OSBPL11: variants seen among roughly 807,000 people sequenced by gnomAD.
OSBPL11 encodes the protein oxysterol-binding protein-related protein 11.
OSBPL11 carries 33 observed loss-of-function variants against 84.4 expected under a neutral mutation model. The observed-to-expected ratio is 0.39, with a 90% CI of 0.30 to 0.52. The LOEUF is 0.52. OSBPL11 is among the 20% of genes least tolerant of loss of function. The probability of loss-of-function intolerance (pLI) is 0.72; values close to 1 mark genes in which losing one functional copy is unlikely to be tolerated. For missense variants in OSBPL11, 736 were observed against 901.1 expected (o/e 0.82, Z 2.35); for synonymous variants, 276 against 310.2 (o/e 0.89, Z 1.16).
chr3:125,589,973 G>C lies in OSBPL11; in HGVS notation c.164+4664C>G, dbSNP rs530863101. Among the ~76,000 whole-genome samples the C allele has an allele frequency of 3.9e-5, 6 of 152,278 alleles. No homozygotes were observed. The East Asian group carries it at 1.2e-3, about 29-fold the overall frequency. On this transcript the variant is annotated intron_variant, in intron 1 of 12. Transcript: ENST00000296220. ...ATCAAACACCCTGGTTTGTCTTTCA[G>C]TTCCTCTTTTGAATAGTTCTCTTCT... is the stretch of plus-strand genomic sequence containing the variant.
chr3:125,537,259 A>G (rs1935654505), intron 11 of OSBPL11, among the ~76,000 whole-genome samples: 1 of 152,120 alleles, frequency 6.6e-6, no homozygotes, highest in East Asian at 1.9e-4. Context: ...AGAAAGGGGC[A>G]TGCGAGTACA....
At chr3:125,539,177 T>G (rs1473046977) in intron 10 of OSBPL11, among the ~76,000 whole-genome samples, 1 of 150,670 alleles carries the variant, frequency 6.6e-6, no homozygotes, top group Non-Finnish European at 1.5e-5. Context: ...ATGTTTAAAA[T>G]TCTCTTGCCA....
rs1358854110 is a variant in OSBPL11 at position 125,552,518 on chromosome 3, G to C, written c.1317C>G (p.Gly439=). Residue 439 remains glycine (G), a synonymous_variant, in exon 9 of 13, where the codon GGC becomes GGG. Transcript: ENST00000296220. ...GTTTTTTAGCAATGGCTCCCTTACG[G>C]CCTTCATGAAATGAGGTAAGGTAGT... is the stretch of plus-strand genomic sequence containing the variant. ...VEYYLTSFHE[G]RKGAIAKKPY... The C allele has an allele frequency of 6.2e-7, 1 of 1,614,014 alleles. No individual in the cohort carries two copies. Among genetic ancestry groups the C allele is most frequent in the African/African-American group, 1.3e-5 (1 of 74,906 alleles).
chr3:125,561,650 G>A (rs909016866), intron 7 of OSBPL11, among the ~76,000 whole-genome samples: 2 of 152,086 alleles, frequency 1.3e-5, no homozygotes, highest in East Asian at 1.9e-4. Flanking sequence ...TGATCATGAC[G>A]CTATTGTCAT....
chr3:125,558,516 C>G (rs1936026677), intron 8 of OSBPL11, among the ~76,000 whole-genome samples: 4 of 152,130 alleles, frequency 2.6e-5, no homozygotes, highest in Admixed American at 2.0e-4. Context: ...TTCAGATGAA[C>G]AGTTCGTTGG....
chr3:125,551,603 T>C (rs1580046435), intron 9 of OSBPL11, among the ~76,000 whole-genome samples: 1 of 152,108 alleles, frequency 6.6e-6, no homozygotes, highest in South Asian at 2.1e-4. Flanking sequence ...ACCCCCCATC[T>C]CTACTAACAA....
intron 1 of OSBPL11, among the ~76,000 whole-genome samples, chr3:125,593,493 G>T (rs547220762): frequency 1.3e-5 from 2 of 151,716 alleles, no homozygotes; most frequent in African/African-American, 2.4e-5. Flanking sequence ...GGTGGCGCAC[G>T]CCTGTAATCC....
At chr3:125,592,917 A>G (rs552631830) in intron 1 of OSBPL11, among the ~76,000 whole-genome samples, 26 of 152,364 alleles carry the variant, frequency 1.7e-4, no homozygotes, top group Middle Eastern at 3.4e-3. Context: ...AGACAAACAC[A>G]TAAGTGTAAA....
Position 125,545,766 on chromosome 3 carries a change from G to C in OSBPL11, c.1841+1640C>G, listed in dbSNP as rs567377742. Among the ~76,000 whole-genome samples the C allele has an allele frequency of 2.0e-5, 3 of 152,142 alleles. No homozygotes were observed. The South Asian group carries it at 6.2e-4, about 32-fold the overall frequency. The stretch of plus-strand genomic sequence containing the variant: ...ATGAGAATGGGGAATAGTTAAGCAG[G>C]CTCACTTGGCTGCATGAGAGATAGA... On this transcript the variant is annotated intron_variant, in intron 10 of 12. Coordinates refer to ENST00000296220, the MANE Select transcript of OSBPL11 (RefSeq NM_022776.5).
chr3:125,537,436 C>T (rs953340006), intron 11 of OSBPL11, among the ~76,000 whole-genome samples: 1 of 152,148 alleles, frequency 6.6e-6, no homozygotes, highest in Non-Finnish European at 1.5e-5. Flanking sequence ...AAATTGTGAA[C>T]TTGCAGATGC....
intron 1 of OSBPL11, among the ~76,000 whole-genome samples, chr3:125,583,579 T>TC (rs1198614157): frequency 1.6e-5 from 1 of 61,368 alleles, no homozygotes; most frequent in Non-Finnish European, 2.7e-5. Flanking sequence ...AGACTCCGTC[T>TC]CCAAAAAAAA....
rs765369899 is a variant in OSBPL11 at position 125,532,054 on chromosome 3, A to C, written c.2025-40T>G. 8.9e-6 allele frequency: 14 copies of C among 1,567,760 alleles called. No individual in the cohort carries two copies. In the East Asian group the frequency reaches 3.1e-4, roughly 35 times the overall value. On this transcript the variant is annotated intron_variant, in intron 11 of 12. Coordinates refer to ENST00000296220, the MANE Select transcript of OSBPL11 (RefSeq NM_022776.5). ...CCACACATTTTACAAGCATTCTTTA[A>C]AAGAGATAATTAAATAGAATCAATA...
chr3:125,589,232 C>A (rs1936561291), intron 1 of OSBPL11, among the ~76,000 whole-genome samples: 1 of 151,148 alleles, frequency 6.6e-6, no homozygotes, highest in Non-Finnish European at 1.5e-5. Context: ...TACCCAGCTA[C>A]TCGGGAGACT....
Position 125,547,546 on chromosome 3 carries a change from T to C in OSBPL11, c.1701A>G (p.Leu567=), listed in dbSNP as rs1559837563. 1.2e-6 allele frequency: 2 copies of C among 1,613,588 alleles called. No individual in the cohort carries two copies. The highest frequency in any genetic ancestry group is 8.5e-7 in the Non-Finnish European group (1 of 1,179,634). ...AAATTGACCGAGCATATGCACAGGG[T>C]AGAGAAAATGTGTACTCTTCTCCAT... ...LEHGEEYTFS[L]PCAYARSILT... is the part of the protein sequence containing the mutation. The change falls in exon 10 of 13, where the codon CTA becomes CTG. Residue 567 remains leucine (L), a synonymous_variant. Coordinates refer to ENST00000296220, the MANE Select transcript of OSBPL11 (RefSeq NM_022776.5).
At chr3:125,549,114 C>T (rs1398549192) in intron 9 of OSBPL11, among the ~76,000 whole-genome samples, 1 of 152,000 alleles carries the variant, frequency 6.6e-6, no homozygotes, top group East Asian at 1.9e-4. Context: ...TTCTGCCTCC[C>T]GGGTTCAAGC....
At position 125,552,663 on chromosome 3, in the gene OSBPL11, A is replaced by C; in HGVS notation, c.1172T>G (p.Phe391Cys). The change falls in exon 9 of 13, where the codon TTT becomes TGT. Residue 391 changes from phenylalanine to cysteine, a missense_variant. Physicochemically the swap from Phe to Cys is radical, Grantham distance 205. Around this residue, in one of 3 missense-constraint regions of OSBPL11, gnomAD observed 579 missense variants for 717.6 expected, o/e 0.81. Coordinates refer to ENST00000296220, the MANE Select transcript of OSBPL11 (RefSeq NM_022776.5). ...CAGCAAGGAACGCTTCTCTAGGATA[A>C]ATGTAGGAAGCACCACCTAAAACAA... The part of the protein sequence containing the change: ...MDLTRVVLPT[F>C]ILEKRSLLEM... 6.2e-7 allele frequency: 1 copy of C among 1,612,340 alleles called. No individual in the cohort carries two copies. Among genetic ancestry groups the C allele is most frequent in the African/African-American group, 1.3e-5 (1 of 74,946 alleles).
At chr3:125,556,410 C>T (rs1194765204) in intron 8 of OSBPL11, among the ~76,000 whole-genome samples, 2 of 152,154 alleles carry the variant, frequency 1.3e-5, no homozygotes, top group African/African-American at 2.4e-5. Context: ...CTCATTTCCC[C>T]GAAAGAAGCC....
At chr3:125,571,154 T>C (rs1936237124) in intron 5 of OSBPL11, among the ~76,000 whole-genome samples, 1 of 152,206 alleles carries the variant, frequency 6.6e-6, no homozygotes, top group Admixed American at 6.5e-5. Context: ...TGTTAGGTTT[T>C]AGCAAAAAGA....
intron 5 of OSBPL11, among the ~76,000 whole-genome samples, chr3:125,572,371 CT>C (rs1460334420): frequency 6.6e-6 from 1 of 152,050 alleles, no homozygotes; most frequent in Non-Finnish European, 1.5e-5. Flanking sequence ...TGCGTTAAGT[CT>C]TTGGGGGACT....
Sources: allele counts gnomAD v4.1 joint callset (sites outside exome capture counted in the v4.1 genomes callset), GRCh38; gene constraint gnomAD v4.1.1; regional missense constraint gnomAD v4.1.1; transcripts MANE v1.5; gene names NCBI Gene and HGNC (gene_info 2026-07-23, HGNC 2026-07-21).